The following SLC24A2 variants were observed in gnomAD, a reference collection of about 807,000 sequenced individuals.
SLC24A2 encodes the protein solute carrier family 24 member 2, also known as sodium/potassium/calcium exchanger 2.
SLC24A2 carries 36 observed loss-of-function variants against 62.0 expected under a neutral mutation model. The observed-to-expected ratio is 0.58, with a 90% CI of 0.44 to 0.77. The LOEUF is 0.77. SLC24A2 is among the 30% of genes least tolerant of loss of function. The pLI is 0.00. For synonymous variants in SLC24A2, 358 were observed against 294.0 expected (o/e 1.22, Z -2.23); for missense variants, 846 against 817.9 (o/e 1.03, Z -0.42).
the SLC24A2 span, among the ~76,000 whole-genome samples, chr9:20,152,851 A>G: frequency 1.3e-4 from 19 of 151,854 alleles, no homozygotes; most frequent in African/African-American, 4.3e-4. Context: ...ATGGCATCTG[A>G]GAATGGGCAC....
rs527726852 is a variant in SLC24A2, at chr9:19,718,267, G to C, written c.930+67670C>G. ...TGGGATTACAGGCTTAAGCTACCATGCCTGGCTGATTTAACACTTTTTTTT... is the reference window on the plus strand; with the variant it reads ...TGGGATTACAGGCTTAAGCTACCATCCCTGGCTGATTTAACACTTTTTTTT... On this transcript the variant is annotated intron_variant, in intron 2 of 10. Transcript: ENST00000341998. 8.7e-4 allele frequency among the ~76,000 whole-genome samples: 120 copies of C among 138,320 alleles called. 3 individuals are homozygous for C. The highest frequency in any genetic ancestry group is 2.9e-3 in the African/African-American group (105 of 36,766). The allele number at this position is 138,320 out of a possible 152,430, so 90.7% of individuals were successfully genotyped here. A position where few individuals can be genotyped will look rare whatever the true frequency, so the allele number is the denominator to read the frequency against.
chr9:19,934,371 G>T, the SLC24A2 span, among the ~76,000 whole-genome samples: 1 of 152,142 alleles, frequency 6.6e-6, no homozygotes, highest in African/African-American at 2.4e-5. The surrounding 1 kb of genome is among the most constrained non-coding windows in gnomAD (Gnocchi z 4.1). Flanking sequence ...TTTCCAAAGC[G>T]GCCTCCATGG....
At chr9:20,037,030 G>A in the SLC24A2 span, among the ~76,000 whole-genome samples, 1 of 151,854 alleles carries the variant, frequency 6.6e-6, no homozygotes, top group Admixed American at 6.6e-5. Context: ...CAAGTAGCTG[G>A]GATTACAGGT....
the SLC24A2 span, among the ~76,000 whole-genome samples, chr9:19,869,924 T>C: frequency 6.6e-6 from 1 of 152,234 alleles, no homozygotes; most frequent in Non-Finnish European, 1.5e-5. Context: ...TTAATATTTA[T>C]GTAAAGTAAG....
At chr9:19,999,971 T>C in the SLC24A2 span, among the ~76,000 whole-genome samples, 1 of 152,100 alleles carries the variant, frequency 6.6e-6, no homozygotes, top group East Asian at 1.9e-4. Flanking sequence ...TTCAAGACAG[T>C]GTGGAGAGGT....
the SLC24A2 span, among the ~76,000 whole-genome samples, chr9:20,284,203 C>A: frequency 7.7e-3 from 1,178 of 152,268 alleles, 10 homozygotes; most frequent in African/African-American, 0.026. Flanking sequence ...CGGACTTGAT[C>A]CCTTTATAAG....
chr9:19,767,116 G>A (rs57379870), intron 2 of SLC24A2, among the ~76,000 whole-genome samples: 8,903 of 152,226 alleles, frequency 0.058, 325 homozygotes, highest in East Asian at 0.098. Context: ...GCCTACTGAA[G>A]CCTTAGTCAC....
At chr9:19,784,235 G>A (rs918356105) in intron 2 of SLC24A2, among the ~76,000 whole-genome samples, 6 of 152,108 alleles carry the variant, frequency 3.9e-5, no homozygotes, top group Middle Eastern at 3.2e-3. Context: ...TTTCTAAAAC[G>A]CATGAAAGCA....
chr9:19,527,159 T>C (rs1434236605), intron 9 of SLC24A2, among the ~76,000 whole-genome samples: 1 of 152,182 alleles, frequency 6.6e-6, no homozygotes, highest in African/African-American at 2.4e-5. Context: ...TTATTTATGT[T>C]GCCAAGTATA....
intron 2 of SLC24A2, among the ~76,000 whole-genome samples, chr9:19,622,600 G>T (rs759183319): frequency 3.3e-5 from 5 of 152,082 alleles, no homozygotes; most frequent in Non-Finnish European, 2.9e-5. Context: ...AATACTATGT[G>T]ATCATTAAAA....
chr9:19,934,374 C>T, the SLC24A2 span, among the ~76,000 whole-genome samples: 1 of 152,180 alleles, frequency 6.6e-6, no homozygotes, highest in Admixed American at 6.5e-5. The surrounding 1 kb of genome is among the most constrained non-coding windows in gnomAD (Gnocchi z 4.1). Context: ...CCAAAGCGGC[C>T]TCCATGGGCC....
chr9:19,930,384 A>C, the SLC24A2 span, among the ~76,000 whole-genome samples: 1 of 152,230 alleles, frequency 6.6e-6, no homozygotes, highest in Non-Finnish European at 1.5e-5. Flanking sequence ...CATGGTGTAC[A>C]GATCTGTAGC....
chr9:19,663,883 G>T (rs1819174080), intron 2 of SLC24A2, among the ~76,000 whole-genome samples: 1 of 152,230 alleles, frequency 6.6e-6, no homozygotes, highest in Non-Finnish European at 1.5e-5. Context: ...CCAGGGTGCA[G>T]ATCTGAATTT....
chr9:19,587,519 T>C (rs1836410598), intron 5 of SLC24A2, among the ~76,000 whole-genome samples: 1 of 152,222 alleles, frequency 6.6e-6, no homozygotes, highest in Non-Finnish European at 1.5e-5. Context: ...CACTGGCACA[T>C]GCTGAGAGTC....
chr9:20,152,726 T>C, the SLC24A2 span, among the ~76,000 whole-genome samples: 5 of 151,788 alleles, frequency 3.3e-5, no homozygotes, highest in Admixed American at 2.6e-4. Context: ...ATAAACTGAT[T>C]TTGGCTGTCC....
At chr9:20,270,398 A>C in the SLC24A2 span, among the ~76,000 whole-genome samples, 1 of 152,120 alleles carries the variant, frequency 6.6e-6, no homozygotes, top group Non-Finnish European at 1.5e-5. Context: ...ACAGGACGTA[A>C]TTTAAGAGAA....
At chr9:20,000,715 A>G in the SLC24A2 span, among the ~76,000 whole-genome samples, 1 of 152,186 alleles carries the variant, frequency 6.6e-6, no homozygotes, top group Non-Finnish European at 1.5e-5. Context: ...TCTGATTTTG[A>G]ACTAAAGAAT....
the SLC24A2 span, among the ~76,000 whole-genome samples, chr9:20,083,600 G>T: frequency 2.0e-5 from 3 of 152,196 alleles, no homozygotes; most frequent in African/African-American, 7.2e-5. Flanking sequence ...CCAGTGTCTG[G>T]AAATCATTTT....
the SLC24A2 span, among the ~76,000 whole-genome samples, chr9:19,952,743 G>A: frequency 6.6e-6 from 1 of 150,904 alleles, no homozygotes; most frequent in Non-Finnish European, 1.5e-5. Context: ...CAGTACAAGG[G>A]TAATACTGGC....
Sources: gnomAD v4.1 joint callset for allele counts (sites outside exome capture counted in the v4.1 genomes callset) on GRCh38, gnomAD v4.1.1 for gene constraint, Gnocchi (gnomAD v3.1) non-coding constraint, MANE v1.5 for transcripts, NCBI Gene and HGNC (gene_info 2026-07-23, HGNC 2026-07-21) for gene names.